TNFRSF10B: variants seen among roughly 807,000 people sequenced by gnomAD.
TNFRSF10B encodes the protein tumor necrosis factor receptor superfamily member 10B.
A neutral mutation model predicts 41.4 loss-of-function variants in TNFRSF10B; 35 were observed. That is an observed-to-expected ratio of 0.85 (90% CI 0.65 to 1.12). TNFRSF10B has a LOEUF of 1.12. Among genes scored for constraint, TNFRSF10B ranks in the 50% most tolerant of loss-of-function variants. The probability of loss-of-function intolerance (pLI) is 0.00; values close to 1 mark genes in which losing one functional copy is unlikely to be tolerated. For missense variants in TNFRSF10B, 584 were observed against 552.7 expected, an observed-to-expected ratio of 1.06 and a Z score of -0.57; for synonymous variants, 230 against 215.5, an observed-to-expected ratio of 1.07 and a Z score of -0.59.
At chr8:23,030,962 G>T in intron 2 of TNFRSF10B, 90 bp from the exon 3 acceptor site, 1 of 890,244 alleles carries the variant, frequency 1.1e-6, no homozygotes. Flanking sequence ...TTTCAGGGAT[G>T]TGTGGAACCA....
chr8:23,066,697 A>G (rs577936615), intron 1 of TNFRSF10B, among the ~76,000 whole-genome samples: 1 of 151,588 alleles, frequency 6.6e-6, no homozygotes, highest in African/African-American at 2.4e-5. Flanking sequence ...CACGAGCCAG[A>G]CCATCCTGGC....
intron 1 of TNFRSF10B, among the ~76,000 whole-genome samples, chr8:23,051,276 ATAAG>A (rs557106925): frequency 5.3e-4 from 80 of 152,346 alleles, no homozygotes; most frequent in African/African-American, 1.7e-3. Flanking sequence ...AAAATCTTTA[ATAAG>A]TAAGCTGGTT....
chr8:23,055,521 T>TAAAAAAAAAAAAAAAAAAAAAAAA (rs34761330), intron 1 of TNFRSF10B, among the ~76,000 whole-genome samples: 4 of 120,546 alleles, frequency 3.3e-5, no homozygotes, highest in African/African-American at 9.2e-5. Context: ...ATTAAATGCT[T>TAAAAAAAAAAAAAAAAAAAAAAAA]AAAAAAAAAA....
At chr8:23,064,733 G>A (rs952565923) in intron 1 of TNFRSF10B, among the ~76,000 whole-genome samples, 1 of 152,150 alleles carries the variant, frequency 6.6e-6, no homozygotes, top group Non-Finnish European at 1.5e-5. Context: ...AAATTAACCC[G>A]AGTAACCTCT....
At chr8:23,044,051 G>A (rs909082193) in intron 1 of TNFRSF10B, among the ~76,000 whole-genome samples, 1 of 152,162 alleles carries the variant, frequency 6.6e-6, no homozygotes, top group Admixed American at 6.5e-5. Flanking sequence ...TTTGGCAAAG[G>A]TATAAAGACC....
intron 1 of TNFRSF10B, among the ~76,000 whole-genome samples, chr8:23,056,303 A>G (rs771602911): frequency 7.9e-5 from 12 of 152,190 alleles, no homozygotes; most frequent in East Asian, 1.9e-4. Context: ...CCCTACTATA[A>G]TAAGTAGATT....
chr8:23,020,583 T>A lies in TNFRSF10B; in HGVS notation c.*2088A>T. ...GGCGGGTGCCTGCAATCCCAGCTAC[T>A]CCGGAGGCTGAGGCACGAGAATCGC... On this transcript the variant is annotated 3_prime_UTR_variant, in exon 9 of 9. Coordinates refer to ENST00000276431, the MANE Select transcript of TNFRSF10B (RefSeq NM_003842.5). 2.2e-6 allele frequency: 1 copy of A among 449,296 alleles called. No homozygotes were observed. Among genetic ancestry groups the A allele is most frequent in the Non-Finnish European group, 4.5e-6 (1 of 223,496 alleles). The allele number at this position is 449,296 out of a possible 1,614,324, so 27.8% of individuals were successfully genotyped here.
intron 1 of TNFRSF10B, among the ~76,000 whole-genome samples, chr8:23,057,259 A>C (rs1159891987): frequency 6.6e-6 from 1 of 151,370 alleles, no homozygotes; most frequent in Non-Finnish European, 1.5e-5. Context: ...GTTAGCCAGG[A>C]TGGTCTCAAT....
chr8:23,027,615 G>A, intron 6 of TNFRSF10B, 107 bp downstream of exon 6: 2 of 1,511,544 alleles, frequency 1.3e-6, no homozygotes, highest in South Asian at 2.3e-5. Flanking sequence ...ACTTCAGAGA[G>A]TCAGGGCAGC....
Position 23,022,786 on chromosome 8 carries a change from A to G in TNFRSF10B, c.1208T>C (p.Leu403Pro). 1 of 1,614,004 alleles carries G rather than the reference A, an allele frequency of 6.2e-7. No homozygotes were observed. Among genetic ancestry groups the G allele is most frequent in the Non-Finnish European group, 8.5e-7 (1 of 1,179,930 alleles). ...TGRDASVHTL[L>P]DALETLGERL... ...CTCTCCCAGCGTCTCCAAGGCATCCAGCAGGGTGTGGACAGAGGCATCTCG... is the reference window on the plus strand; with the variant it reads ...CTCTCCCAGCGTCTCCAAGGCATCCGGCAGGGTGTGGACAGAGGCATCTCG... Residue 403 changes from leucine to proline, a missense_variant, in exon 9 of 9, where the codon CTG becomes CCG. Leu to Pro is a moderately conservative substitution (Grantham distance 98). Transcript: ENST00000276431.
chr8:23,046,563 TATC>T (rs1812366552), intron 1 of TNFRSF10B, among the ~76,000 whole-genome samples: 1 of 149,282 alleles, frequency 6.7e-6, no homozygotes, highest in Non-Finnish European at 1.5e-5. Context: ...AAAATTCCAA[TATC>T]ATTTTTCATA....
At chr8:23,026,559 C>T (rs561329917) in intron 7 of TNFRSF10B, among the ~76,000 whole-genome samples, 12 of 152,016 alleles carry the variant, frequency 7.9e-5, no homozygotes, top group Admixed American at 4.6e-4. Flanking sequence ...ATCTTATGTT[C>T]GAGGGAAGGA....
At chr8:23,024,572 G>A (rs1040807638) in intron 7 of TNFRSF10B, among the ~76,000 whole-genome samples, 3 of 151,614 alleles carry the variant, frequency 2.0e-5, no homozygotes, top group African/African-American at 7.3e-5. Flanking sequence ...CCAGGCTGGA[G>A]TGCAATAGTG....
intron 2 of TNFRSF10B, among the ~76,000 whole-genome samples, chr8:23,042,204 C>G (rs1278667650): frequency 6.6e-6 from 1 of 152,222 alleles, no homozygotes; most frequent in Non-Finnish European, 1.5e-5. Context: ...GTCTGCTTCA[C>G]GCTGGGTTCT....
At chr8:23,033,690 T>C (rs1388109427) in intron 2 of TNFRSF10B, among the ~76,000 whole-genome samples, 1 of 144,604 alleles carries the variant, frequency 6.9e-6, no homozygotes, top group East Asian at 2.1e-4. Flanking sequence ...GCTGCTATAA[T>C]AAAATACCAT....
At position 23,028,617 on chromosome 8, in the gene TNFRSF10B, A is replaced by G. The variant is rs2293399; in HGVS notation, c.477-15T>C. On this transcript the variant is annotated splice_polypyrimidine_tract_variant and intron_variant, in intron 4 of 8. Transcript: ENST00000276431. ...CTCTGGGACACCTGGGTACACACAC[A>G]GAGGGAGAGGGGGGACTCTTGATGG... The G allele has an allele frequency of 0.89, 1,435,687 of 1,613,766 alleles. 639,996 individuals carry two copies. Among genetic ancestry groups the G allele is most frequent in the East Asian group, 0.98 (43,761 of 44,868 alleles).
intron 2 of TNFRSF10B, among the ~76,000 whole-genome samples, chr8:23,034,036 A>G (rs995877307): frequency 5.9e-5 from 9 of 152,188 alleles, no homozygotes; most frequent in African/African-American, 2.2e-4. Flanking sequence ...TTGGTTTGTA[A>G]ATCCTCTTAT....
At chr8:23,066,321 A>G (rs1293264386) in intron 1 of TNFRSF10B, among the ~76,000 whole-genome samples, 1 of 152,170 alleles carries the variant, frequency 6.6e-6, no homozygotes, top group East Asian at 1.9e-4. Context: ...AAATAGATGG[A>G]AGATATTAAA....
intron 1 of TNFRSF10B, among the ~76,000 whole-genome samples, chr8:23,056,877 T>G (rs1456550095): frequency 6.6e-6 from 1 of 152,060 alleles, no homozygotes; most frequent in Non-Finnish European, 1.5e-5. Context: ...GAGTTCTCTT[T>G]TTTAAAAGAG....
Sources: allele counts gnomAD v4.1 joint callset (sites outside exome capture counted in the v4.1 genomes callset), GRCh38; gene constraint gnomAD v4.1.1; transcripts MANE v1.5; gene names NCBI Gene and HGNC (gene_info 2026-07-23, HGNC 2026-07-21).